SLIT2: variants seen among roughly 807,000 people sequenced by gnomAD.
SLIT2 encodes the protein slit guidance ligand 2, also known as slit homolog 2 protein.
SLIT2 carries 41 observed loss-of-function variants against 185.7 expected under a neutral mutation model. That is an observed-to-expected ratio of 0.22 (90% CI 0.17 to 0.29). SLIT2 has a LOEUF of 0.29. Among genes scored for constraint, SLIT2 ranks in the 10% least tolerant of loss-of-function variants. The pLI, the probability that SLIT2 is intolerant of heterozygous loss-of-function variation, is 1.00. For missense variants in SLIT2, 1,571 were observed against 1,909.0 expected (o/e 0.82, Z 3.30); for synonymous variants, 693 against 680.2 (o/e 1.02, Z -0.29).
intron 9 of SLIT2, among the ~76,000 whole-genome samples, chr4:20,495,005 A>G (rs1718106419): frequency 6.6e-6 from 1 of 152,166 alleles, no homozygotes; most frequent in Non-Finnish European, 1.5e-5. Flanking sequence ...CTTCTAGGAA[A>G]AATGATCTCC....
chr4:20,408,189 C>T (rs1481631967), intron 4 of SLIT2, among the ~76,000 whole-genome samples: 6 of 152,082 alleles, frequency 3.9e-5, no homozygotes, highest in Non-Finnish European at 7.4e-5. Flanking sequence ...TTCATCTCAG[C>T]GATTAGCTGG....
rs143417693 is a variant in SLIT2 at position 20,617,555 on chromosome 4, C to A, written c.4253C>A (p.Ala1418Glu). 3.9e-5 allele frequency: 63 copies of A among 1,613,790 alleles called. No homozygotes were observed. The Admixed American group carries it at 1.0e-3, about 26-fold the overall frequency. ...GAGGATCTGTTTAACCCATGCCAGG[C>A]GATCAAGTGCAAGCATGGGAAGTGC... ...EEEDLFNPCQ[A>E]IKCKHGKCRL... Residue 1418 changes from alanine to glutamate, a missense_variant, in exon 36 of 37, where the codon GCG becomes GAG. By Grantham distance (107) the Ala-to-Glu change is moderately radical. Transcript: ENST00000504154.
chr4:20,514,526 T>C (rs1403976387), intron 11 of SLIT2, among the ~76,000 whole-genome samples: 2 of 152,028 alleles, frequency 1.3e-5, no homozygotes, highest in Non-Finnish European at 2.9e-5. Context: ...ATGCCTGTAA[T>C]CCCAGCTACT....
intron 4 of SLIT2, among the ~76,000 whole-genome samples, chr4:20,311,141 G>T (rs1415420745): frequency 6.6e-6 from 1 of 152,136 alleles, no homozygotes; most frequent in African/African-American, 2.4e-5. Context: ...CTCCCACCTT[G>T]GCCTCCCAAA....
At chr4:20,573,328 A>C in intron 29 of SLIT2, 1 of 702,574 alleles carries the variant, frequency 1.4e-6, no homozygotes, top group Non-Finnish European at 2.6e-6. Context: ...AGTTACATAG[A>C]TTTCACTGCG....
chr4:20,278,462 T>A (rs1483797354), intron 4 of SLIT2, among the ~76,000 whole-genome samples: 1 of 152,160 alleles, frequency 6.6e-6, no homozygotes, highest in Non-Finnish European at 1.5e-5. Context: ...TCAACCTTTC[T>A]GCAAACTTTC....
At chr4:20,615,208 G>A (rs1368135609) in intron 34 of SLIT2, 1 of 152,170 alleles carries the variant, frequency 6.6e-6, no homozygotes, top group Middle Eastern at 3.2e-3. Flanking sequence ...CCAGGGCAAG[G>A]AATTTTCTGT....
intron 29 of SLIT2, among the ~76,000 whole-genome samples, chr4:20,581,964 C>T (rs1305051433): frequency 1.3e-5 from 2 of 152,210 alleles, no homozygotes; most frequent in African/African-American, 4.8e-5. Context: ...CCAGGCTTGT[C>T]TCAAACTCCT....
At chr4:20,281,050 G>C (rs980688339) in intron 4 of SLIT2, among the ~76,000 whole-genome samples, 1 of 151,916 alleles carries the variant, frequency 6.6e-6, no homozygotes, top group East Asian at 1.9e-4. Context: ...TCAGGCTGGC[G>C]TCAAACTTCA....
intron 6 of SLIT2, among the ~76,000 whole-genome samples, chr4:20,481,308 C>A (rs1716678514): frequency 6.6e-6 from 1 of 152,138 alleles, no homozygotes; most frequent in African/African-American, 2.4e-5. Context: ...TAATGTACAA[C>A]ACGCAGACTT....
At chr4:20,486,330 A>G in intron 7 of SLIT2, 59 bp downstream of exon 7, 3 of 991,710 alleles carry the variant, frequency 3.0e-6, no homozygotes, top group Non-Finnish European at 4.8e-6. Context: ...CCCCTTAAAT[A>G]GCATGTTCAG....
chr4:20,341,213 G>T (rs1255717898), intron 4 of SLIT2, among the ~76,000 whole-genome samples: 2 of 152,192 alleles, frequency 1.3e-5, no homozygotes, highest in Non-Finnish European at 2.9e-5. Flanking sequence ...CAGACGCATA[G>T]ACTTTAGCAA....
Position 20,261,292 on chromosome 4 carries a change from C to T in SLIT2, c.323+3353C>T, listed in dbSNP as rs550208075. On this transcript the variant is annotated intron_variant, in intron 3 of 36. Transcript: ENST00000504154. ...ATGACCAGTTAATTCAATGGAAATT[C>T]GGATAAAAAAGTCACAAATAAGCTG... Among the ~76,000 whole-genome samples, 5 of 151,840 alleles carry T rather than the reference C, an allele frequency of 3.3e-5. No individual in the cohort carries two copies. In the East Asian group the frequency reaches 5.8e-4, roughly 18 times the overall value.
chr4:20,272,222 G>C (rs951617806), intron 4 of SLIT2, among the ~76,000 whole-genome samples: 20 of 151,324 alleles, frequency 1.3e-4, no homozygotes, highest in African/African-American at 4.9e-4. Context: ...TTGACAGATG[G>C]AAAGTGCAAG....
chr4:20,367,998 C>T (rs1013324138), intron 4 of SLIT2, among the ~76,000 whole-genome samples: 1 of 152,040 alleles, frequency 6.6e-6, no homozygotes, highest in African/African-American at 2.4e-5. Flanking sequence ...GATAACACCA[C>T]TCTCATTCTC....
At chr4:20,260,343 G>C (rs1307473635) in intron 3 of SLIT2, among the ~76,000 whole-genome samples, 1 of 151,680 alleles carries the variant, frequency 6.6e-6, no homozygotes, top group African/African-American at 2.4e-5. Flanking sequence ...TAAGAATTTA[G>C]TTGTGAAATT....
chr4:20,472,386 G>GATATCTAGATATCTATATCTATATATA (rs1560453735), intron 5 of SLIT2, among the ~76,000 whole-genome samples: 1 of 38,394 alleles, frequency 2.6e-5, no homozygotes. Flanking sequence ...CTATATATAT[G>GATATCTAGATATCTATATCTATATATA]TAGATATATA....
intron 5 of SLIT2, among the ~76,000 whole-genome samples, chr4:20,472,510 A>ATC (rs1491456576): frequency 4.3e-5 from 1 of 23,438 alleles, no homozygotes; most frequent in Non-Finnish European, 6.3e-5. Flanking sequence ...ATCTATATAT[A>ATC]GATAGATATA....
chr4:20,614,268 C>T (rs1237058145), intron 34 of SLIT2, among the ~76,000 whole-genome samples: 3 of 152,176 alleles, frequency 2.0e-5, no homozygotes, highest in Non-Finnish European at 4.4e-5. Flanking sequence ...AAGCCCCATG[C>T]ATGGAAATCC....
Sources: allele counts gnomAD v4.1 joint callset (sites outside exome capture counted in the v4.1 genomes callset), GRCh38; gene constraint gnomAD v4.1.1; transcripts MANE v1.5; gene names NCBI Gene and HGNC (gene_info 2026-07-23, HGNC 2026-07-21).